Variants in HNRNPR observed in about 807,000 individuals in gnomAD.
HNRNPR encodes heterogeneous nuclear ribonucleoprotein R.
In HNRNPR, 4 loss-of-function variants were observed where a neutral mutation model predicts 70.3. The ratio of observed to expected loss-of-function variants is 0.06; its 90% CI spans 0.03 to 0.13. The LOEUF (loss-of-function observed/expected upper bound fraction) is 0.13, where lower values mean the gene tolerates loss of function less well. Among genes scored for constraint, HNRNPR ranks in the 10% least tolerant of loss-of-function variants. The probability of loss-of-function intolerance (pLI) is 1.00; values close to 1 mark genes in which losing one functional copy is unlikely to be tolerated. For missense variants in HNRNPR, 423 were observed against 788.5 expected (o/e 0.54, Z 5.55); for synonymous variants, 241 against 267.6 (o/e 0.90, Z 0.97).
intron 4 of HNRNPR, among the ~76,000 whole-genome samples, chr1:23,336,862 C>G (rs1570109605): frequency 1.3e-5 from 2 of 151,934 alleles, no homozygotes; most frequent in East Asian, 3.9e-4. Flanking sequence ...TCATTAAAAG[C>G]TGTATATTTA....
At chr1:23,320,841 T>G (rs375842232) in intron 7 of HNRNPR, among the ~76,000 whole-genome samples, 1 of 152,282 alleles carries the variant, frequency 6.6e-6, no homozygotes, top group African/African-American at 2.4e-5. Flanking sequence ...TACTTCTCAA[T>G]CAATTCCATG....
At chr1:23,334,979 G>A (rs553679052) in intron 4 of HNRNPR, among the ~76,000 whole-genome samples, 35 of 151,578 alleles carry the variant, frequency 2.3e-4, no homozygotes, top group Admixed American at 6.6e-4. Flanking sequence ...GTGCAGTGGC[G>A]CGATCTTGGC....
chr1:23,330,459 TG>T (rs1237008875), intron 5 of HNRNPR, among the ~76,000 whole-genome samples: 7 of 151,916 alleles, frequency 4.6e-5, no homozygotes, highest in African/African-American at 1.7e-4. Context: ...CGCTTGAACC[TG>T]GGAGGCGGAG....
intron 5 of HNRNPR, among the ~76,000 whole-genome samples, chr1:23,329,731 G>A (rs1646140499): frequency 6.6e-6 from 1 of 152,286 alleles, no homozygotes. Flanking sequence ...AGACTCAACT[G>A]ATCTTTCCAC....
chr1:23,335,488 C>T (rs774245146), intron 4 of HNRNPR, among the ~76,000 whole-genome samples: 1 of 152,356 alleles, frequency 6.6e-6, no homozygotes, highest in Admixed American at 6.5e-5. Flanking sequence ...TATTTACAGC[C>T]GCTCCTCATC....
Position 23,325,280 on chromosome 1 carries a change from T to C in HNRNPR, c.499-1548A>G, listed in dbSNP as rs1002179438. 3.9e-5 allele frequency among the ~76,000 whole-genome samples: 6 copies of C among 152,184 alleles called. No individual in the cohort carries two copies. The East Asian group carries it at 5.8e-4, about 15-fold the overall frequency. Reference sequence around the variant, plus strand: ...ACAGTCTGAAAAATAGCTGGAATAATAGGTAAATATAGAAGTAATAATAGC... The same window carrying C: ...ACAGTCTGAAAAATAGCTGGAATAACAGGTAAATATAGAAGTAATAATAGC... On this transcript the variant is annotated intron_variant, in intron 5 of 10. Coordinates refer to ENST00000302271, the MANE Select transcript of HNRNPR (RefSeq NM_005826.5).
intron 5 of HNRNPR, among the ~76,000 whole-genome samples, chr1:23,324,785 A>G (rs1046735021): frequency 1.3e-5 from 2 of 152,092 alleles, no homozygotes; most frequent in Non-Finnish European, 2.9e-5. Flanking sequence ...ACAGTCAAAA[A>G]CCCTCATTTG....
At chr1:23,336,336 C>A in intron 4 of HNRNPR, among the ~76,000 whole-genome samples, 1 of 150,656 alleles carries the variant, frequency 6.6e-6, no homozygotes. Flanking sequence ...GAGGCCGAGG[C>A]GGGCGGATCA....
At chr1:23,341,120 TA>T in intron 1 of HNRNPR, 103 bp from the exon 2 acceptor site, 1 of 784,392 alleles carries the variant, frequency 1.3e-6, no homozygotes, top group Non-Finnish European at 2.0e-6. Flanking sequence ...ATGCTGCTAA[TA>T]ACCTCTATCA....
At position 23,310,404 on chromosome 1, in the gene HNRNPR, A is replaced by C. The variant is rs376792200; in HGVS notation, c.*50T>G. The C allele has an allele frequency of 4.0e-6, 6 of 1,508,780 alleles. No homozygotes were observed. In the African/African-American group the frequency reaches 8.4e-5, roughly 21 times the overall value. 93.5% of individuals were successfully genotyped at this position (1,508,780 alleles called of 1,614,324 possible). On this transcript the variant is annotated 3_prime_UTR_variant, in exon 11 of 11. Transcript: ENST00000302271. The surrounding 1 kb of genome is among the most constrained non-coding windows in gnomAD (Gnocchi z 6.0). ...CAATTTTTTTTTTTGAAGAATGTAG[A>C]TCTAGAGCCAATCGTATCTTGCCAG...
In HNRNPR at chr1:23,335,093, AT is replaced by A. The variant is rs554895020; in HGVS notation, c.385-1463del. 2.0e-5 allele frequency among the ~76,000 whole-genome samples: 3 copies of A among 151,986 alleles called. No individual in the cohort carries two copies. In the East Asian group the frequency reaches 5.8e-4, roughly 29 times the overall value. On this transcript the variant is annotated intron_variant, in intron 4 of 10. Coordinates refer to ENST00000302271, the MANE Select transcript of HNRNPR (RefSeq NM_005826.5). ...CCACCACACCCGGCTAATTTTTTGT[AT>A]TTTTAGTAGACAGGTGGCCTCACCG...
At chr1:23,336,224 GAGACC>G in intron 4 of HNRNPR, among the ~76,000 whole-genome samples, 1 of 151,042 alleles carries the variant, frequency 6.6e-6, no homozygotes, top group East Asian at 1.9e-4. Context: ...TCAGGAGTTT[GAGACC>G]AGCCTGGCTA....
chr1:23,332,404 T>TAAA (rs11445510), intron 5 of HNRNPR, among the ~76,000 whole-genome samples: 4 of 145,814 alleles, frequency 2.7e-5, no homozygotes, highest in Admixed American at 6.8e-5. Flanking sequence ...TTATTGATAT[T>TAAA]AAAAAAAAAA....
intron 2 of HNRNPR, among the ~76,000 whole-genome samples, chr1:23,340,351 C>G (rs910705): frequency 6.6e-6 from 1 of 151,800 alleles, no homozygotes; most frequent in Non-Finnish European, 1.5e-5. Flanking sequence ...CCAAACACTT[C>G]CAAATTACGG....
At chr1:23,323,476 T>C (rs1428019139) in intron 6 of HNRNPR, 80 bp downstream of exon 6, 1 of 1,300,852 alleles carries the variant, frequency 7.7e-7, no homozygotes, top group Non-Finnish European at 1.1e-6. Context: ...ATCAAAATAA[T>C]GTTAACTACA....
chr1:23,328,280 A>C (rs1200125325), intron 5 of HNRNPR, among the ~76,000 whole-genome samples: 1 of 152,186 alleles, frequency 6.6e-6, no homozygotes, highest in African/African-American at 2.4e-5. Context: ...TTATGTTCTA[A>C]AAGGTACATT....
chr1:23,340,024 ATTT>A (rs970063398), intron 2 of HNRNPR, among the ~76,000 whole-genome samples: 2 of 145,322 alleles, frequency 1.4e-5, no homozygotes, highest in Non-Finnish European at 1.5e-5. Flanking sequence ...AGATTTAAAA[ATTT>A]TTTAAGGACA....
chr1:23,335,370 G>C lies in HNRNPR; in HGVS notation c.385-1739C>G, dbSNP rs947212806. Among the ~76,000 whole-genome samples the C allele has an allele frequency of 2.0e-5, 3 of 152,284 alleles. No individual in the cohort carries two copies. In the South Asian group the frequency reaches 6.2e-4, roughly 32 times the overall value. ...AGCCATAAATGTAATATAAAACAGG[G>C]GTCCCCACACCCCTGGGCCACAGAC... On this transcript the variant is annotated intron_variant, in intron 4 of 10. Transcript: ENST00000302271.
chr1:23,322,886 A>G (rs1328431356), intron 6 of HNRNPR, among the ~76,000 whole-genome samples: 2 of 152,194 alleles, frequency 1.3e-5, no homozygotes, highest in African/African-American at 4.8e-5. Context: ...GCAGGAGTGA[A>G]GATACATTTG....
Sources: gnomAD v4.1 joint callset for allele counts (sites outside exome capture counted in the v4.1 genomes callset) on GRCh38, gnomAD v4.1.1 for gene constraint, Gnocchi (gnomAD v3.1) non-coding constraint, MANE v1.5 for transcripts, NCBI Gene and HGNC (gene_info 2026-07-23, HGNC 2026-07-21) for gene names.